The following HS6ST3 variants were observed in gnomAD, a reference collection of about 807,000 sequenced individuals.
HS6ST3 encodes heparan sulfate 6-O-sulfotransferase 3.
In HS6ST3, 12 loss-of-function variants were observed where a neutral mutation model predicts 36.7. The observed-to-expected ratio is 0.33, with a 90% confidence interval of 0.21 to 0.53. HS6ST3 has a LOEUF of 0.53. HS6ST3 is among the 20% of genes least tolerant of loss of function. The pLI, the probability that HS6ST3 is intolerant of heterozygous loss-of-function variation, is 0.95. For missense variants in HS6ST3, 584 were observed against 640.9 expected (o/e 0.91, Z 0.96); for synonymous variants, 240 against 257.5 (o/e 0.93, Z 0.65).
intron 1 of HS6ST3, among the ~76,000 whole-genome samples, chr13:96,127,813 G>C (rs1388791131): frequency 6.6e-6 from 1 of 152,094 alleles, no homozygotes; most frequent in Non-Finnish European, 1.5e-5. Context: ...TGTGCTCATT[G>C]GTTGCTTAGG....
intron 1 of HS6ST3, among the ~76,000 whole-genome samples, chr13:96,747,115 A>G (rs1876581695): frequency 6.6e-6 from 1 of 152,142 alleles, no homozygotes; most frequent in South Asian, 2.1e-4. Context: ...AGTGAAATCA[A>G]TATGGCAACA....
chr13:96,768,411 G>A (rs1397050137), intron 1 of HS6ST3, among the ~76,000 whole-genome samples: 2 of 152,190 alleles, frequency 1.3e-5, no homozygotes, highest in African/African-American at 2.4e-5. Flanking sequence ...TTAAGTACAC[G>A]TATAAGCCTT....
chr13:96,147,016 A>G (rs143293648), intron 1 of HS6ST3, among the ~76,000 whole-genome samples: 144 of 152,360 alleles, frequency 9.5e-4, no homozygotes, highest in Non-Finnish European at 1.8e-3. Flanking sequence ...AGATGCAGAA[A>G]GATGAAGAAA....
chr13:96,133,413 AC>A (rs1305433541), intron 1 of HS6ST3, among the ~76,000 whole-genome samples: 1 of 151,760 alleles, frequency 6.6e-6, no homozygotes, highest in Non-Finnish European at 1.5e-5. Flanking sequence ...GGCGTGAGCC[AC>A]TGCACCTGAC....
intron 1 of HS6ST3, among the ~76,000 whole-genome samples, chr13:96,608,100 C>T (rs939980823): frequency 2.6e-5 from 4 of 151,974 alleles, no homozygotes; most frequent in African/African-American, 9.7e-5. Flanking sequence ...AAAATCTTTG[C>T]GTTCATAATG....
intron 1 of HS6ST3, among the ~76,000 whole-genome samples, chr13:96,669,991 T>G (rs2056677727): frequency 6.6e-6 from 1 of 152,104 alleles, no homozygotes; most frequent in Admixed American, 6.6e-5. Flanking sequence ...TAGATTATTT[T>G]TAAAGCCATG....
chr13:96,123,410 A>G (rs2053935618), intron 1 of HS6ST3, among the ~76,000 whole-genome samples: 1 of 152,230 alleles, frequency 6.6e-6, no homozygotes, highest in African/African-American at 2.4e-5. Context: ...AGAGTTTTAA[A>G]TTCAGTGCTC....
chr13:96,282,565 T>C (rs1449115669), intron 1 of HS6ST3, among the ~76,000 whole-genome samples: 1 of 152,146 alleles, frequency 6.6e-6, no homozygotes, highest in African/African-American at 2.4e-5. Context: ...TGCCAGGAAT[T>C]AAACCTACAT....
At chr13:96,683,972 G>T (rs1874695233) in intron 1 of HS6ST3, among the ~76,000 whole-genome samples, 1 of 151,998 alleles carries the variant, frequency 6.6e-6, no homozygotes, top group Admixed American at 6.6e-5. Context: ...TGTATATGGG[G>T]AAATCTGAAA....
intron 1 of HS6ST3, among the ~76,000 whole-genome samples, chr13:96,350,675 A>G (rs1460846377): frequency 6.6e-6 from 1 of 152,180 alleles, no homozygotes; most frequent in African/African-American, 2.4e-5. Context: ...TACTTTACCT[A>G]GTTGTTATTT....
chr13:96,451,113 A>G (rs1292214003), intron 1 of HS6ST3, among the ~76,000 whole-genome samples: 1 of 152,164 alleles, frequency 6.6e-6, no homozygotes, highest in African/African-American at 2.4e-5. Flanking sequence ...AGTATTACAC[A>G]TTAAAAATTT....
At chr13:96,171,248 G>A (rs2054186311) in intron 1 of HS6ST3, among the ~76,000 whole-genome samples, 1 of 152,172 alleles carries the variant, frequency 6.6e-6, no homozygotes, top group Admixed American at 6.5e-5. Context: ...GAATTTCCAT[G>A]CATTTATCTT....
At chr13:96,286,651 G>A (rs1212997564) in intron 1 of HS6ST3, among the ~76,000 whole-genome samples, 1 of 152,114 alleles carries the variant, frequency 6.6e-6, no homozygotes, top group African/African-American at 2.4e-5. Context: ...GTGTACTTAA[G>A]TCTTTACTTT....
intron 1 of HS6ST3, among the ~76,000 whole-genome samples, chr13:96,402,093 A>T (rs910320616): frequency 6.6e-6 from 1 of 152,206 alleles, no homozygotes; most frequent in Non-Finnish European, 1.5e-5. Flanking sequence ...CACACAGCTC[A>T]GTCTCAAGTA....
At chr13:96,520,545 T>C (rs941045796) in intron 1 of HS6ST3, among the ~76,000 whole-genome samples, 1 of 152,210 alleles carries the variant, frequency 6.6e-6, no homozygotes, top group Non-Finnish European at 1.5e-5. Flanking sequence ...CAGTGGTTTG[T>C]AGTTCTCCTT....
chr13:96,602,418 A>C lies in HS6ST3; in HGVS notation c.708-230072A>C, dbSNP rs143678273. ...TACTTATTTCATTCTTCATACACTG[A>C]TTTTGGCTGGGAAATTCCTGTAGCC... On this transcript the variant is annotated intron_variant, in intron 1 of 1. Coordinates refer to ENST00000376705, the MANE Select transcript of HS6ST3 (RefSeq NM_153456.4). Among the ~76,000 whole-genome samples, 1,206 of 152,174 alleles carry C rather than the reference A, an allele frequency of 7.9e-3. 16 individuals carry two copies. The highest frequency in any genetic ancestry group is 0.027 in the African/African-American group (1,106 of 41,490).
At chr13:96,341,773 C>T (rs1163428100) in intron 1 of HS6ST3, among the ~76,000 whole-genome samples, 3 of 152,102 alleles carry the variant, frequency 2.0e-5, no homozygotes, top group Non-Finnish European at 4.4e-5. Flanking sequence ...TTCTTATGGA[C>T]TGTTTAAAAA....
At chr13:96,415,447 AAAAT>A (rs2055528315) in intron 1 of HS6ST3, among the ~76,000 whole-genome samples, 1 of 152,226 alleles carries the variant, frequency 6.6e-6, no homozygotes, top group Non-Finnish European at 1.5e-5. Context: ...TTGGAAGAAA[AAAAT>A]AAATAAAGTG....
intron 1 of HS6ST3, among the ~76,000 whole-genome samples, chr13:96,235,057 C>T (rs1030792653): frequency 2.1e-4 from 32 of 151,916 alleles, no homozygotes; most frequent in Non-Finnish European, 4.0e-4. Context: ...GCATAAATAA[C>T]TCTCAGCTGA....
Sources: allele counts gnomAD v4.1 joint callset (sites outside exome capture counted in the v4.1 genomes callset), GRCh38; gene constraint gnomAD v4.1.1; transcripts MANE v1.5; gene names NCBI Gene and HGNC (gene_info 2026-07-23, HGNC 2026-07-21).